Variants in GRID2 observed in about 807,000 individuals in gnomAD.
GRID2 encodes glutamate ionotropic receptor delta type subunit 2.
GRID2 carries 33 observed loss-of-function variants against 114.8 expected under a neutral mutation model. The ratio of observed to expected loss-of-function variants is 0.29; its 90% CI spans 0.22 to 0.38. The LOEUF (loss-of-function observed/expected upper bound fraction) is 0.38. Ranked by LOEUF, GRID2 falls within the 10% of genes least tolerant of loss-of-function variation. The pLI, the probability that GRID2 is intolerant of heterozygous loss-of-function variation, is 1.00. For missense variants in GRID2, 1,184 were observed against 1,257.7 expected (o/e 0.94, Z 0.89); for synonymous variants, 505 against 449.9 (o/e 1.12, Z -1.55).
In GRID2 at chr4:93,626,214, A is replaced by T; in HGVS notation, c.2194-55A>T. 4 of 945,794 alleles carry T rather than the reference A, an allele frequency of 4.2e-6. No individual in the cohort carries two copies. The South Asian group carries it at 6.0e-5, about 14-fold the overall frequency. 58.6% of individuals were successfully genotyped at this position (945,794 alleles called of 1,614,324 possible). ...AATGTTTTTCATCCTGTCTATGTAA[A>T]TTAAAATTCCAACTTTAAACCCTAT... On this transcript the variant is annotated intron_variant, in intron 13 of 15. Coordinates refer to ENST00000282020, the MANE Select transcript of GRID2 (RefSeq NM_001510.4).
At chr4:92,585,299 G>A (rs1013925889) in intron 1 of GRID2, among the ~76,000 whole-genome samples, 3 of 151,882 alleles carry the variant, frequency 2.0e-5, no homozygotes, top group African/African-American at 4.8e-5. Context: ...TAGCATCTTT[G>A]CTAACTTTCA....
chr4:93,542,254 C>A (rs541543141), intron 13 of GRID2, among the ~76,000 whole-genome samples: 1 of 152,144 alleles, frequency 6.6e-6, no homozygotes, highest in East Asian at 1.9e-4. Flanking sequence ...CGTAGTGGCA[C>A]TGAATTAATG....
chr4:92,306,311 A>G (rs1401267434), intron 1 of GRID2, among the ~76,000 whole-genome samples: 2 of 152,258 alleles, frequency 1.3e-5, no homozygotes, highest in East Asian at 3.8e-4. Flanking sequence ...AAGCACTAAT[A>G]GCTTGCCTGC....
intron 1 of GRID2, among the ~76,000 whole-genome samples, chr4:92,450,073 G>A (rs190993374): frequency 6.6e-6 from 1 of 152,058 alleles, no homozygotes; most frequent in East Asian, 1.9e-4. Flanking sequence ...TTTCAACTTT[G>A]CTAAGTTTGG....
intron 7 of GRID2, among the ~76,000 whole-genome samples, chr4:93,233,578 G>A (rs1483980809): frequency 7.9e-5 from 12 of 151,934 alleles, no homozygotes; most frequent in Non-Finnish European, 4.4e-5. Context: ...CCTGACCTCA[G>A]GTGATCCATC....
intron 4 of GRID2, among the ~76,000 whole-genome samples, chr4:93,199,076 G>T (rs1741806796): frequency 6.6e-6 from 1 of 152,070 alleles, no homozygotes; most frequent in African/African-American, 2.4e-5. Context: ...GGTGCCAAAA[G>T]TTACCATATT....
intron 14 of GRID2, among the ~76,000 whole-genome samples, chr4:93,698,654 TATA>T (rs1308900079): frequency 3.9e-5 from 6 of 152,066 alleles, no homozygotes; most frequent in Admixed American, 1.3e-4. Flanking sequence ...AATGTTAAAT[TATA>T]ATAAATATTG....
intron 2 of GRID2, among the ~76,000 whole-genome samples, chr4:92,941,404 T>C (rs1318811796): frequency 2.0e-5 from 3 of 152,108 alleles, no homozygotes; most frequent in Admixed American, 6.6e-5. Context: ...TCTTTGGGAT[T>C]GGTGGTGATA....
At chr4:93,030,296 T>C (rs1724280259) in intron 2 of GRID2, among the ~76,000 whole-genome samples, 1 of 152,184 alleles carries the variant, frequency 6.6e-6, no homozygotes, top group Non-Finnish European at 1.5e-5. Flanking sequence ...TAAAAGTGTT[T>C]CTTTTCTACC....
At chr4:93,042,688 TATGC>T (rs1453205414) in intron 2 of GRID2, among the ~76,000 whole-genome samples, 127 of 144,426 alleles carry the variant, frequency 8.8e-4, no homozygotes, top group Middle Eastern at 3.6e-3. Context: ...TCTATATATA[TATGC>T]ATATATATAT....
intron 2 of GRID2, among the ~76,000 whole-genome samples, chr4:93,082,946 T>G (rs190484590): frequency 1.3e-5 from 2 of 152,296 alleles, no homozygotes; most frequent in African/African-American, 4.8e-5. Context: ...CTTCTAAATC[T>G]GAAGACTAAA....
At chr4:92,480,974 C>G (rs1206414595) in intron 1 of GRID2, among the ~76,000 whole-genome samples, 1 of 152,114 alleles carries the variant, frequency 6.6e-6, no homozygotes, top group African/African-American at 2.4e-5. Context: ...ATTATTCTTG[C>G]TGGTGTCTAG....
At chr4:92,573,114 G>A (rs1041284165) in intron 1 of GRID2, among the ~76,000 whole-genome samples, 4 of 152,084 alleles carry the variant, frequency 2.6e-5, no homozygotes, top group African/African-American at 4.8e-5. Context: ...GTGCACAGAC[G>A]TGTTTATAGT....
At chr4:93,012,881 A>G (rs557737135) in intron 2 of GRID2, among the ~76,000 whole-genome samples, 1 of 152,142 alleles carries the variant, frequency 6.6e-6, no homozygotes, top group East Asian at 1.9e-4. Context: ...GTGGGAATAT[A>G]TATGACATAT....
chr4:93,784,802 A>G (rs1325402253), intron 1 of GRID2, among the ~76,000 whole-genome samples: 1 of 152,178 alleles, frequency 6.6e-6, no homozygotes, highest in Admixed American at 6.5e-5. Flanking sequence ...ACAATGTATT[A>G]CAGAAACTGA....
intron 2 of GRID2, among the ~76,000 whole-genome samples, chr4:92,666,168 T>A (rs1392365279): frequency 6.6e-6 from 1 of 151,624 alleles, no homozygotes; most frequent in Admixed American, 6.6e-5. Flanking sequence ...ACTGATTCTT[T>A]TTCTGCCTAT....
chr4:92,757,814 A>G (rs910729401), intron 2 of GRID2, among the ~76,000 whole-genome samples: 2 of 151,938 alleles, frequency 1.3e-5, no homozygotes, highest in Admixed American at 1.3e-4. Context: ...AGCCGTCTAC[A>G]TAATACTGCC....
chr4:93,631,076 C>T (rs1472773498), intron 14 of GRID2, among the ~76,000 whole-genome samples: 1 of 152,130 alleles, frequency 6.6e-6, no homozygotes, highest in Non-Finnish European at 1.5e-5. Flanking sequence ...GTTCAGGAAG[C>T]TGTCGATTAT....
chr4:93,309,541 A>AAAAAAT (rs571364599), intron 8 of GRID2, among the ~76,000 whole-genome samples: 6 of 151,282 alleles, frequency 4.0e-5, no homozygotes, highest in Admixed American at 3.3e-4. Context: ...TTGTCTCAAA[A>AAAAAAT]AATAATAATA....
Sources: gnomAD v4.1 joint callset for allele counts (sites outside exome capture counted in the v4.1 genomes callset) on GRCh38, gnomAD v4.1.1 for gene constraint, MANE v1.5 for transcripts, NCBI Gene and HGNC (gene_info 2026-07-23, HGNC 2026-07-21) for gene names.